ARSB: variants seen among roughly 807,000 people sequenced by gnomAD.
ARSB encodes arylsulfatase B, also known as N-acetylgalactosamine-4-sulfatase.
A neutral mutation model predicts 50.9 loss-of-function variants in ARSB; 41 were observed. That is an observed-to-expected ratio of 0.81 (90% CI 0.63 to 1.04). The LOEUF (loss-of-function observed/expected upper bound fraction) is 1.04, where lower values mean the gene tolerates loss of function less well. Among genes scored for constraint, ARSB ranks in the 50% least tolerant of loss-of-function variants. ARSB has a pLI of 0.00. For synonymous variants in ARSB, 269 were observed against 284.8 expected (o/e 0.94, Z 0.56); for missense variants, 672 against 693.3 (o/e 0.97, Z 0.35).
chr5:78,789,013 A>G (rs1749170643), intron 6 of ARSB, among the ~76,000 whole-genome samples: 1 of 152,232 alleles, frequency 6.6e-6, no homozygotes, highest in Non-Finnish European at 1.5e-5. Context: ...TGGGTTCACC[A>G]AAAAGGGAAG....
At chr5:78,978,959 C>T (rs1321477855) in intron 1 of ARSB, among the ~76,000 whole-genome samples, 1 of 151,894 alleles carries the variant, frequency 6.6e-6, no homozygotes, top group Non-Finnish European at 1.5e-5. Context: ...TATAAGCAAC[C>T]AAAGAAAAAT....
At chr5:78,787,715 T>C (rs1002570027) in intron 6 of ARSB, among the ~76,000 whole-genome samples, 1 of 152,198 alleles carries the variant, frequency 6.6e-6, no homozygotes, top group Non-Finnish European at 1.5e-5. Flanking sequence ...AGAATAGAGA[T>C]GTTCAGACGG....
intron 4 of ARSB, among the ~76,000 whole-genome samples, chr5:78,919,337 A>G (rs1749697857): frequency 6.6e-6 from 1 of 152,216 alleles, no homozygotes; most frequent in Non-Finnish European, 1.5e-5. Context: ...TGCCAGTGCC[A>G]GTAGCTAGCC....
chr5:78,820,605 G>A (rs983544974), intron 6 of ARSB, among the ~76,000 whole-genome samples: 2 of 152,088 alleles, frequency 1.3e-5, no homozygotes, highest in Admixed American at 1.3e-4. Context: ...CTACATGACT[G>A]GCTAAATAAA....
intron 4 of ARSB, among the ~76,000 whole-genome samples, chr5:78,917,067 A>G (rs1158796778): frequency 6.6e-6 from 1 of 152,190 alleles, no homozygotes; most frequent in African/African-American, 2.4e-5. Context: ...GAAAAGGGAG[A>G]GGGTGCAGAA....
At chr5:78,820,430 G>A (rs1350155514) in intron 6 of ARSB, among the ~76,000 whole-genome samples, 1 of 152,008 alleles carries the variant, frequency 6.6e-6, no homozygotes, top group Admixed American at 6.5e-5. Flanking sequence ...GTGTGGTGGT[G>A]GACGCCTATA....
chr5:78,942,833 CTTG>C (rs1751006533), intron 4 of ARSB, among the ~76,000 whole-genome samples: 1 of 152,104 alleles, frequency 6.6e-6, no homozygotes, highest in Non-Finnish European at 1.5e-5. Flanking sequence ...CCTGGATATC[CTTG>C]TTAACTTTCT....
chr5:78,848,077 T>G (rs1201181508), intron 5 of ARSB, among the ~76,000 whole-genome samples: 3 of 150,936 alleles, frequency 2.0e-5, no homozygotes, highest in African/African-American at 7.3e-5. Flanking sequence ...ATTATTTTAT[T>G]ATTATTATAC....
chr5:78,845,195 C>G (rs1010460425), intron 5 of ARSB, among the ~76,000 whole-genome samples: 7 of 152,100 alleles, frequency 4.6e-5, no homozygotes, highest in African/African-American at 1.7e-4. Context: ...ATCCATGTTA[C>G]TGTGAATGAC....
chr5:78,900,791 G>C (rs945737163), intron 4 of ARSB, among the ~76,000 whole-genome samples: 1 of 152,120 alleles, frequency 6.6e-6, no homozygotes, highest in African/African-American at 2.4e-5. Context: ...TGTAATCCCA[G>C]CACTTTGGGA....
intron 4 of ARSB, among the ~76,000 whole-genome samples, chr5:78,907,816 A>G (rs772493615): frequency 2.3e-4 from 35 of 152,220 alleles, no homozygotes; most frequent in Middle Eastern, 6.8e-3. Context: ...TGGTGACTCA[A>G]TGTCTTTGGA....
chr5:78,827,689 A>G (rs1744493288), intron 6 of ARSB, among the ~76,000 whole-genome samples: 1 of 152,174 alleles, frequency 6.6e-6, no homozygotes, highest in Non-Finnish European at 1.5e-5. Flanking sequence ...AGGATATGGG[A>G]CTTGGATTAC....
At chr5:78,977,700 T>C (rs780248238) in intron 1 of ARSB, among the ~76,000 whole-genome samples, 2 of 152,118 alleles carry the variant, frequency 1.3e-5, no homozygotes, top group East Asian at 3.9e-4. Context: ...GCACTGGAGG[T>C]CCTATCCAGG....
At chr5:78,976,278 CTTTTTTTTTTTT>C (rs541278624) in intron 1 of ARSB, among the ~76,000 whole-genome samples, 2 of 76,908 alleles carry the variant, frequency 2.6e-5, no homozygotes, top group African/African-American at 9.8e-5. Context: ...AAACAGGCTA[CTTTTTTTTTTTT>C]TTTTTTTTTT....
intron 5 of ARSB, among the ~76,000 whole-genome samples, chr5:78,859,060 G>A (rs963274587): frequency 1.6e-4 from 25 of 152,134 alleles, no homozygotes; most frequent in African/African-American, 4.3e-4. Context: ...CCACTATCCC[G>A]GTGAAACTCC....
intron 5 of ARSB, among the ~76,000 whole-genome samples, chr5:78,868,305 C>T (rs1442782447): frequency 2.6e-5 from 3 of 114,316 alleles, no homozygotes; most frequent in Admixed American, 1.9e-4. Context: ...TCAGGAAATA[C>T]AGAGAACGCC....
At chr5:78,883,540 T>A (rs1747862800) in intron 5 of ARSB, 1 of 152,232 alleles carries the variant, frequency 6.6e-6, no homozygotes, top group Non-Finnish European at 1.5e-5. Flanking sequence ...TACCCAATAC[T>A]ATAAATGTTG....
rs776512051 is a variant in ARSB, at chr5:78,969,191, A to G, written c.314T>C (p.Ile105Thr). 6.2e-7 allele frequency: 1 copy of G among 1,614,056 alleles called. No homozygotes were observed. The highest frequency in any genetic ancestry group is 8.5e-7 in the Non-Finnish European group (1 of 1,179,950). The change falls in exon 2 of 8, where the codon ATC (isoleucine) becomes ACC (threonine). Residue 105 changes from isoleucine to threonine, a missense_variant and splice_region_variant. Physicochemically the swap from Ile to Thr is moderately conservative, Grantham distance 89 (BLOSUM62 -1). Coordinates refer to ENST00000264914, the MANE Select transcript of ARSB (RefSeq NM_000046.5). ...RSQLLTGRYQIRTGLQHQIIW... is the reference protein window; with the variant it reads ...RSQLLTGRYQTRTGLQHQIIW... ...TATTTGGTGCTGTAAACCTGTACGGATCTTACAGAGATAAACATAAAATTA... is the reference window on the plus strand; with the variant it reads ...TATTTGGTGCTGTAAACCTGTACGGGTCTTACAGAGATAAACATAAAATTA...
intron 6 of ARSB, among the ~76,000 whole-genome samples, chr5:78,795,766 A>C (rs1743157591): frequency 6.6e-6 from 1 of 152,244 alleles, no homozygotes; most frequent in South Asian, 2.1e-4. Context: ...TAAAATGCTC[A>C]TAATTTTTAT....
Sources: allele counts gnomAD v4.1 joint callset (sites outside exome capture counted in the v4.1 genomes callset), GRCh38; gene constraint gnomAD v4.1.1; transcripts MANE v1.5; gene names NCBI Gene and HGNC (gene_info 2026-07-23, HGNC 2026-07-21).